Variants in VARS1 observed in about 807,000 individuals in gnomAD.
The protein encoded by VARS1 is valine--tRNA ligase.
VARS1 carries 92 observed loss-of-function variants against 161.0 expected under a neutral mutation model. The observed-to-expected ratio is 0.57, with a 90% CI of 0.48 to 0.68. The LOEUF (loss-of-function observed/expected upper bound fraction) is 0.68. Among genes scored for constraint, VARS1 ranks in the 30% least tolerant of loss-of-function variants. The probability of loss-of-function intolerance (pLI) is 0.00; values close to 1 mark genes in which losing one functional copy is unlikely to be tolerated. For missense variants in VARS1, 1,338 were observed against 1,695.9 expected (o/e 0.79, Z 3.71); for synonymous variants, 595 against 682.5 (o/e 0.87, Z 2.00).
rs746390677 is a variant in VARS1, at chr6:31,795,043, C to A, written c.175G>T (p.Ala59Ser). 3.3e-5 allele frequency: 52 copies of A among 1,554,688 alleles called. No homozygotes were observed. Among genetic ancestry groups the A allele is most frequent in the Non-Finnish European group, 4.1e-5 (47 of 1,146,732 alleles). ...RTPFPPPRLPALEQGPGGLWV... is the reference protein window; with the variant it reads ...RTPFPPPRLPSLEQGPGGLWV... ...AGCCCACCGGGCCCCTGCTCCAGGG[C>A]CGGCAGGCGGGGTGGGGGAAAGGGA... is the stretch of plus-strand genomic sequence containing the variant. Residue 59 changes from alanine to serine, a missense_variant, in exon 2 of 30, where the codon GCC becomes TCC. Around this residue, in one of 3 missense-constraint regions of VARS1, gnomAD observed 902 missense variants for 1,090.3 expected, o/e 0.83. Transcript: ENST00000375663. This position sits in a 1 kb window ranked among gnomAD's most constrained non-coding sequence, Gnocchi z 6.9.
rs943963444 is a variant in VARS1, at chr6:31,791,406, C to T, written c.1100+204G>A. Among the ~76,000 whole-genome samples, 14 of 152,078 alleles carry T rather than the reference C, an allele frequency of 9.2e-5. No individual in the cohort carries two copies. The highest frequency in any genetic ancestry group is 3.4e-4 in the African/African-American group (14 of 41,390). ...AAAGAAAGAAGGGATAGAAGAGAGT[C>T]TGCAAGTGGCGGTGTTGCATGGGAG... is the stretch of plus-strand genomic sequence containing the variant. On this transcript the variant is annotated intron_variant, in intron 8 of 29. Coordinates refer to ENST00000375663, the MANE Select transcript of VARS1 (RefSeq NM_006295.3). This position sits in a 1 kb window ranked among gnomAD's most constrained non-coding sequence, Gnocchi z 5.0.
chr6:31,785,271 T>C lies in VARS1; in HGVS notation c.1322A>G (p.Asp441Gly), dbSNP rs773743938. 6.2e-7 allele frequency: 1 copy of C among 1,613,062 alleles called. No homozygotes were observed. The highest frequency in any genetic ancestry group is 1.1e-5 in the South Asian group (1 of 91,086). Residue 441 changes from aspartate (D) to glycine (G), a missense_variant, in exon 10 of 30, where the codon GAT becomes GGT. Asp to Gly is a moderately conservative substitution (Grantham distance 94, BLOSUM62 -1). Around this residue, in one of 3 missense-constraint regions of VARS1, gnomAD observed 902 missense variants for 1,090.3 expected, o/e 0.83. Coordinates refer to ENST00000375663, the MANE Select transcript of VARS1 (RefSeq NM_006295.3). The surrounding 1 kb of genome is among the most constrained non-coding windows in gnomAD (Gnocchi z 6.1). The stretch of plus-strand genomic sequence containing the variant: ...AGGGTCCATGGTGAAACAGGCTCGA[T>C]CCCAGTCCAAGGAGCTGCCAAGCTT... ...LKKLGSSLDW[D>G]RACFTMDPKL...
rs776330086 is a variant in VARS1, at chr6:31,779,627, G to A, written c.3269C>T (p.Pro1090Leu). 10 of 1,612,738 alleles carry A rather than the reference G, an allele frequency of 6.2e-6. No homozygotes were observed. The South Asian group carries it at 6.6e-5, about 11-fold the overall frequency. ...PQAPPSLCVT[P>L]YPEPSECSWK... ...CCATACCTCTGAGGGCTCCGGGTAG[G>A]GGGTAACACAGAGGCTAGGGGGAGC... Residue 1090 changes from proline to leucine, a missense_variant, in exon 27 of 30, where the codon CCC (proline) becomes CTC (leucine). Physicochemically the swap from Pro to Leu is moderately conservative, Grantham distance 98. This residue lies in a region of VARS1 where 433 missense variants were observed against 586.2 expected (regional missense o/e 0.74). Coordinates refer to ENST00000375663, the MANE Select transcript of VARS1 (RefSeq NM_006295.3). This position sits in a 1 kb window ranked among gnomAD's most constrained non-coding sequence, Gnocchi z 9.1.
chr6:31,782,414 A>G lies in VARS1; in HGVS notation c.2021T>C (p.Leu674Pro). Reference protein sequence around the residue: ...NRSKDVVEPLLRPQWYVRCGE... With the variant: ...NRSKDVVEPLPRPQWYVRCGE... ...GCAGCGAACGTACCACTGCGGCCGC[A>G]GCAGAGGCTCTACCACGTCCTTCGA... is the stretch of plus-strand genomic sequence containing the variant. Residue 674 changes from leucine to proline, a missense_variant, in exon 17 of 30, where the codon CTG (leucine) becomes CCG (proline). Leu to Pro is a moderately conservative substitution (Grantham distance 98). Coordinates refer to ENST00000375663, the MANE Select transcript of VARS1 (RefSeq NM_006295.3). The surrounding 1 kb of genome is among the most constrained non-coding windows in gnomAD (Gnocchi z 8.3). 6.2e-7 allele frequency: 1 copy of G among 1,612,440 alleles called. No individual in the cohort carries two copies. The highest frequency in any genetic ancestry group is 8.5e-7 in the Non-Finnish European group (1 of 1,179,744).
chr6:31,791,617 T>A lies in VARS1; in HGVS notation c.1093A>T (p.Thr365Ser). 1 of 1,610,590 alleles carries A rather than the reference T, an allele frequency of 6.2e-7. No homozygotes were observed. Among genetic ancestry groups the A allele is most frequent in the Non-Finnish European group, 8.5e-7 (1 of 1,178,666 alleles). ...GTGCAGATAGAAGCTCACCATCGAG[T>A]CAGGGAGTCCTGGATGGCGTTGGTG... ...ALTNAIQDSL[T>S]RWHRMRGETT... is the part of the protein sequence containing the mutation. The change falls in exon 8 of 30, where the codon ACT becomes TCT. Residue 365 changes from threonine to serine, a missense_variant. By Grantham distance (58) the Thr-to-Ser change is moderately conservative. Coordinates refer to ENST00000375663, the MANE Select transcript of VARS1 (RefSeq NM_006295.3). This position sits in a 1 kb window ranked among gnomAD's most constrained non-coding sequence, Gnocchi z 5.0.
chr6:31,792,745 G>A lies in VARS1; in HGVS notation c.661+12C>T, dbSNP rs1248227036. ...GGAAGCCCCTATCCTCCAACTCCTC[G>A]CCCTTCCTCACCTGGCTGATGAGAG... On this transcript the variant is annotated intron_variant, in intron 4 of 29. Coordinates refer to ENST00000375663, the MANE Select transcript of VARS1 (RefSeq NM_006295.3). 6.8e-6 allele frequency: 11 copies of A among 1,613,854 alleles called. No individual in the cohort carries two copies. Among genetic ancestry groups the A allele is most frequent in the South Asian group, 2.2e-5 (2 of 91,076 alleles).
rs551477322 is a variant in VARS1 at position 31,784,961 on chromosome 6, G to A, written c.1348-247C>T. ...CAATCAGCTGGGGACAAGTACTGGT[G>A]CAGAGGACACTGGGAGTTCAGGCTC... On this transcript the variant is annotated intron_variant, in intron 10 of 29. Coordinates refer to ENST00000375663, the MANE Select transcript of VARS1 (RefSeq NM_006295.3). This position sits in a 1 kb window ranked among gnomAD's most constrained non-coding sequence, Gnocchi z 6.1. 1.3e-5 allele frequency among the ~76,000 whole-genome samples: 2 copies of A among 152,338 alleles called. No individual in the cohort carries two copies. The highest frequency in any genetic ancestry group is 2.1e-4 in the South Asian group (1 of 4,828).
rs766000445 is a variant in VARS1 at position 31,792,385 on chromosome 6, G to C, written c.786+7C>G. ...CAACTTTCCTTCCAGCTCCACCCTC[G>C]CCTCACCTCCCCTGGAGGTGGCTGC... On this transcript the variant is annotated splice_region_variant and intron_variant, in intron 5 of 29. Coordinates refer to ENST00000375663, the MANE Select transcript of VARS1 (RefSeq NM_006295.3). 6.2e-7 allele frequency: 1 copy of C among 1,613,600 alleles called. No individual in the cohort carries two copies.
At chr6:31,794,679 G>T (rs1447026554) in intron 2 of VARS1, 152 bp downstream of exon 2, 6 of 1,089,632 alleles carry the variant, frequency 5.5e-6, no homozygotes, top group Non-Finnish European at 6.3e-6. Flanking sequence ...TCTATGAAAC[G>T]TGCCCAGGGT....
rs1463270030 is a variant in VARS1 at position 31,781,186 on chromosome 6, G to C, written c.2545-63C>G. On this transcript the variant is annotated intron_variant, in intron 21 of 29. Coordinates refer to ENST00000375663, the MANE Select transcript of VARS1 (RefSeq NM_006295.3). The surrounding 1 kb of genome is among the most constrained non-coding windows in gnomAD (Gnocchi z 6.8). ...TCTCCTTCCCCGGCCTCAGTGCCCC[G>C]ACCAGGACTGTGTCTGGTCTACCCC... 6.4e-7 allele frequency: 1 copy of C among 1,564,384 alleles called. No homozygotes were observed.
rs1298967162 is a variant in VARS1 at position 31,781,405 on chromosome 6, G to T, written c.2544+76C>A. On this transcript the variant is annotated intron_variant, in intron 21 of 29. Coordinates refer to ENST00000375663, the MANE Select transcript of VARS1 (RefSeq NM_006295.3). The surrounding 1 kb of genome is among the most constrained non-coding windows in gnomAD (Gnocchi z 6.8). ...ACAGCTAACCCCATGCCCCAGCCAC[G>T]CGGGGTCTGCGCTGCAGCACAGGAC... The T allele has an allele frequency of 5.1e-6, 8 of 1,562,814 alleles. No individual in the cohort carries two copies. The highest frequency in any genetic ancestry group is 3.8e-5 in the Admixed American group (2 of 52,424).
Position 31,794,939 on chromosome 6 carries a change from A to G in VARS1, c.279T>C (p.Ala93=). The stretch of plus-strand genomic sequence containing the variant: ...AACTGACCCACTGTTGGACAAGGAC[A>G]GCCGCCCGGCTGCCCCCTGGGCCCC... The part of the protein sequence containing the change: ...GLGGPGGSRA[A]VLVQQWVSYA... The change falls in exon 2 of 30, where the codon GCT becomes GCC. Residue 93 remains alanine (A), a synonymous_variant. Coordinates refer to ENST00000375663, the MANE Select transcript of VARS1 (RefSeq NM_006295.3). 1 of 1,612,794 alleles carries G rather than the reference A, an allele frequency of 6.2e-7. No individual in the cohort carries two copies. The highest frequency in any genetic ancestry group is 1.3e-5 in the African/African-American group (1 of 75,016).
chr6:31,792,348 C>T (rs1293245265), intron 5 of VARS1, 44 bp downstream of exon 5: 1 of 1,613,978 alleles, frequency 6.2e-7, no homozygotes, highest in East Asian at 2.2e-5. Context: ...GCCAACCCAT[C>T]ACCGCACACA....
In VARS1 at chr6:31,777,909, T is replaced by C. The variant is rs1812845506; in HGVS notation, c.3727-247A>G. The C allele has an allele frequency of 1.7e-6, 1 of 590,076 alleles. No individual in the cohort carries two copies. The highest frequency in any genetic ancestry group is 1.9e-5 in the African/African-American group (1 of 53,644). The allele number at this position is 590,076 out of a possible 1,614,324, so 36.6% of individuals were successfully genotyped here. On this transcript the variant is annotated intron_variant, in intron 29 of 29. Coordinates refer to ENST00000375663, the MANE Select transcript of VARS1 (RefSeq NM_006295.3). This position sits in a 1 kb window ranked among gnomAD's most constrained non-coding sequence, Gnocchi z 5.8. ...CCAAGAACAAAGGAACCTCAGAGCCTACGTGTTCCCCATTCAGTGTCCCCA... is the reference window on the plus strand; with the variant it reads ...CCAAGAACAAAGGAACCTCAGAGCCCACGTGTTCCCCATTCAGTGTCCCCA...
At chr6:31,783,299 G>T in intron 13 of VARS1, 113 bp from the exon 14 acceptor site, 1 of 1,075,212 alleles carries the variant, frequency 9.3e-7, no homozygotes, top group Non-Finnish European at 1.4e-6. Context: ...GAGGCCGGGA[G>T]TTGGAGACCA....
Position 31,784,632 on chromosome 6 carries a change from C to T in VARS1, c.1430G>A (p.Trp477Ter). ...GATGGCGGAGTTGAGGGTGCAGGACCAGTTAACAAGGCGGGTACTGCGATA... is the reference window on the plus strand; with the variant it reads ...GATGGCGGAGTTGAGGGTGCAGGACTAGTTAACAAGGCGGGTACTGCGATA... ...IIYRSTRLVN[W>*]SCTLNSAISD... Residue 477 changes from tryptophan to a stop codon, truncating the protein, a stop_gained, in exon 11 of 30, where the codon TGG (tryptophan) becomes TAG (stop). Transcript: ENST00000375663. LOFTEE classifies it high-confidence loss of function. This position sits in a 1 kb window ranked among gnomAD's most constrained non-coding sequence, Gnocchi z 6.1. 1 of 1,613,132 alleles carries T rather than the reference C, an allele frequency of 6.2e-7. No homozygotes were observed. Among genetic ancestry groups the T allele is most frequent in the East Asian group, 2.2e-5 (1 of 44,874 alleles).
In VARS1 at chr6:31,782,171, C is replaced by G; in HGVS notation, c.2157G>C (p.Trp719Cys). Residue 719 changes from tryptophan (W) to cysteine (C), a missense_variant, in exon 18 of 30, where the codon TGG (tryptophan) becomes TGC (cysteine). Trp to Cys is a radical substitution (Grantham distance 215, BLOSUM62 -2). Transcript: ENST00000375663. This position sits in a 1 kb window ranked among gnomAD's most constrained non-coding sequence, Gnocchi z 8.3. ...CCCACCACAGCTGCCTGGAAATGCA[C>G]CACTCCCTGCAAATGTCGGGGAGGA... ...WHAWMDNIRE[W>C]CISRQLWWGH... 1 of 1,613,752 alleles carries G rather than the reference C, an allele frequency of 6.2e-7. No individual in the cohort carries two copies. Among genetic ancestry groups the G allele is most frequent in the Non-Finnish European group, 8.5e-7 (1 of 1,179,836 alleles).
Position 31,784,178 on chromosome 6 carries a change from C to T in VARS1, c.1671+36G>A, listed in dbSNP as rs767980077. 1 of 1,611,734 alleles carries T rather than the reference C, an allele frequency of 6.2e-7. No homozygotes were observed. The highest frequency in any genetic ancestry group is 8.5e-7 in the Non-Finnish European group (1 of 1,178,848). ...CCATAAGGATGGGAGCCCTTTTTGG[C>T]CAGAACTCCTTCCCTAACTGTGGAC... On this transcript the variant is annotated intron_variant, in intron 13 of 29. Transcript: ENST00000375663. This position sits in a 1 kb window ranked among gnomAD's most constrained non-coding sequence, Gnocchi z 6.1.
At position 31,785,185 on chromosome 6, in the gene VARS1, G is replaced by C; in HGVS notation, c.1347+61C>G. 6.3e-7 allele frequency: 1 copy of C among 1,598,626 alleles called. No homozygotes were observed. The highest frequency in any genetic ancestry group is 8.6e-7 in the Non-Finnish European group (1 of 1,167,386). On this transcript the variant is annotated intron_variant, in intron 10 of 29. Transcript: ENST00000375663. This position sits in a 1 kb window ranked among gnomAD's most constrained non-coding sequence, Gnocchi z 6.1. ...CCACAACACCTCTGCTTTCTCCTGT[G>C]GGGGTCCCACCCTGGGGAGACTCCT...
Sources: allele counts gnomAD v4.1 joint callset (sites outside exome capture counted in the v4.1 genomes callset), GRCh38; gene constraint gnomAD v4.1.1; regional missense constraint gnomAD v4.1.1; non-coding constraint Gnocchi (gnomAD v3.1); transcripts MANE v1.5; gene names NCBI Gene and HGNC (gene_info 2026-07-23, HGNC 2026-07-21).